Variants in C6 observed in about 807,000 individuals in gnomAD.
C6 encodes complement C6.
A neutral mutation model predicts 112.9 loss-of-function variants in C6; 101 were observed. The observed-to-expected ratio is 0.89, with a 90% CI of 0.76 to 1.06. C6 has a LOEUF of 1.06. Among genes scored for constraint, C6 ranks in the 50% least tolerant of loss-of-function variants. The probability of loss-of-function intolerance (pLI) is 0.00; values close to 1 mark genes in which losing one functional copy is unlikely to be tolerated. For synonymous variants in C6, 431 were observed against 384.1 expected (o/e 1.12, Z -1.43); for missense variants, 1,202 against 1,104.6 (o/e 1.09, Z -1.25).
At chr5:41,143,631 C>T (rs1745551790) in intron 17 of C6, among the ~76,000 whole-genome samples, 2 of 152,134 alleles carry the variant, frequency 1.3e-5, no homozygotes, top group Non-Finnish European at 2.9e-5. Context: ...GGAAACTGAG[C>T]TCAAAGAATG....
intron 17 of C6, among the ~76,000 whole-genome samples, chr5:41,144,834 T>C (rs928940582): frequency 2.6e-5 from 4 of 152,158 alleles, no homozygotes; most frequent in African/African-American, 9.7e-5. Context: ...GAACACGTGG[T>C]ATTTGGTTTT....
intron 1 of C6, among the ~76,000 whole-genome samples, chr5:41,233,659 G>T (rs185513029): frequency 1.3e-5 from 2 of 151,270 alleles, no homozygotes; most frequent in East Asian, 4.0e-4. Context: ...GCACTGAGTT[G>T]CTCCAATTTA....
chr5:41,235,244 A>AC (rs1348725919), intron 1 of C6, among the ~76,000 whole-genome samples: 2 of 104,674 alleles, frequency 1.9e-5, no homozygotes, highest in African/African-American at 7.6e-5. Flanking sequence ...ACCCCACCAC[A>AC]GTCCCCAGAG....
At chr5:41,158,824 T>C in intron 12 of C6, 39 bp from the exon 13 acceptor site, 2 of 1,179,702 alleles carry the variant, frequency 1.7e-6, no homozygotes, top group East Asian at 2.3e-5. Flanking sequence ...TATGTATGTA[T>C]GTACACACAT....
chr5:41,255,178 T>C (rs1462170614), intron 1 of C6, among the ~76,000 whole-genome samples: 6 of 152,022 alleles, frequency 3.9e-5, no homozygotes, highest in Non-Finnish European at 5.9e-5. Flanking sequence ...CTGACCAACA[T>C]GGTGAAACCC....
chr5:41,145,089 G>A lies in C6; in HGVS notation c.2624-2083C>T, dbSNP rs185177352. ...TGATAGAATGATTTATACCCCTTTG[G>A]GTATATACCCAGTAATGGGAATGCT... On this transcript the variant is annotated intron_variant, in intron 17 of 17. Coordinates refer to ENST00000337836, the MANE Select transcript of C6 (RefSeq NM_000065.5). Among the ~76,000 whole-genome samples, 71 of 152,134 alleles carry A rather than the reference G, an allele frequency of 4.7e-4. 1 individual carries two copies. The highest frequency in any genetic ancestry group is 4.6e-3 in the Admixed American group (71 of 15,290).
intron 1 of C6, among the ~76,000 whole-genome samples, chr5:41,220,970 T>G (rs1022844573): frequency 6.6e-6 from 1 of 152,068 alleles, no homozygotes; most frequent in Non-Finnish European, 1.5e-5. Context: ...CATACATTCT[T>G]GGCAGTTTAA....
At chr5:41,256,677 G>A (rs1318978737) in intron 1 of C6, among the ~76,000 whole-genome samples, 1 of 152,102 alleles carries the variant, frequency 6.6e-6, no homozygotes, top group East Asian at 1.9e-4. Flanking sequence ...ACGATATCCT[G>A]CCTCTAATGA....
chr5:41,241,289 G>C (rs1375393515), intron 1 of C6, among the ~76,000 whole-genome samples: 1 of 152,182 alleles, frequency 6.6e-6, no homozygotes, highest in Non-Finnish European at 1.5e-5. Context: ...CAGCTCTCTG[G>C]CAGTGATAAC....
intron 1 of C6, among the ~76,000 whole-genome samples, chr5:41,257,494 T>A (rs929955966): frequency 2.6e-5 from 4 of 152,156 alleles, no homozygotes; most frequent in Non-Finnish European, 5.9e-5. Context: ...AATACATGTA[T>A]CTTTCTGGTA....
At chr5:41,163,408 G>T (rs549043473) in intron 9 of C6, among the ~76,000 whole-genome samples, 114 of 151,458 alleles carry the variant, frequency 7.5e-4, no homozygotes, top group Non-Finnish European at 8.5e-4. Flanking sequence ...TGCCTCCTGG[G>T]TTCAAGTGAT....
At chr5:41,167,852 A>T (rs1748109311) in intron 9 of C6, among the ~76,000 whole-genome samples, 1 of 152,180 alleles carries the variant, frequency 6.6e-6, no homozygotes, top group Non-Finnish European at 1.5e-5. Context: ...TTATGGGGAC[A>T]ATACTTCAAG....
At chr5:41,159,713 G>T (rs955398838) in intron 11 of C6, among the ~76,000 whole-genome samples, 5 of 151,962 alleles carry the variant, frequency 3.3e-5, no homozygotes, top group African/African-American at 7.3e-5. Context: ...TGAAAACTTT[G>T]GTTGTGGCTT....
intron 5 of C6, among the ~76,000 whole-genome samples, chr5:41,190,236 A>G (rs1400671292): frequency 3.3e-5 from 5 of 152,300 alleles, no homozygotes; most frequent in Middle Eastern, 3.4e-3. Context: ...CCAACAGTGT[A>G]TGAGCTTCCT....
At chr5:41,254,017 A>G (rs994817354) in intron 1 of C6, among the ~76,000 whole-genome samples, 10 of 152,246 alleles carry the variant, frequency 6.6e-5, no homozygotes, top group African/African-American at 2.4e-4. Flanking sequence ...GGCCTTATTT[A>G]TTAATAGTAC....
intron 17 of C6, among the ~76,000 whole-genome samples, chr5:41,143,939 T>C (rs1745580857): frequency 1.3e-5 from 2 of 152,216 alleles, no homozygotes; most frequent in Admixed American, 1.3e-4. Context: ...AAGTTGAGTA[T>C]ATCAAATTAA....
chr5:41,217,858 A>G (rs1328255451), upstream of C6, among the ~76,000 whole-genome samples: 1 of 151,902 alleles, frequency 6.6e-6, no homozygotes, highest in Non-Finnish European at 1.5e-5. Context: ...TTGTACCTAG[A>G]CTCTTGGGTC....
intron 2 of C6, 130 bp downstream of exon 2, chr5:41,202,958 C>T: frequency 1.1e-6 from 1 of 921,734 alleles, no homozygotes. Flanking sequence ...CTTCAAATTT[C>T]ATCCAAATTT....
chr5:41,251,657 T>C lies in C6; in HGVS notation c.-21+9537A>G, dbSNP rs114237831. Among the ~76,000 whole-genome samples the C allele has an allele frequency of 3.3e-3, 507 of 152,342 alleles. 8 individuals are homozygous for C. Among genetic ancestry groups the C allele is most frequent in the African/African-American group, 0.011 (467 of 41,566 alleles). ...TTCTCCCAAGTTAAGAAAAGGGTTC[T>C]GATGCTAGAGAGCTAAAACAATGAC... On this transcript the variant is annotated intron_variant, in intron 1 of 17. Transcript: ENST00000263413.
Sources: allele counts gnomAD v4.1 joint callset (sites outside exome capture counted in the v4.1 genomes callset), GRCh38; gene constraint gnomAD v4.1.1; transcripts MANE v1.5; gene names NCBI Gene and HGNC (gene_info 2026-07-23, HGNC 2026-07-21).